Variants in DPP10 observed in about 807,000 individuals in gnomAD.
The protein encoded by DPP10 is dipeptidyl peptidase like 10, also known as inactive dipeptidyl peptidase 10.
DPP10 carries 33 observed loss-of-function variants against 120.9 expected under a neutral mutation model. The ratio of observed to expected loss-of-function variants is 0.27; its 90% CI spans 0.21 to 0.37. The LOEUF (loss-of-function observed/expected upper bound fraction) is 0.37. DPP10 is among the 10% of genes least tolerant of loss of function. The probability of loss-of-function intolerance (pLI) is 1.00; values close to 1 mark genes in which losing one functional copy is unlikely to be tolerated. For missense variants in DPP10, 816 were observed against 942.8 expected (o/e 0.87, Z 1.76); for synonymous variants, 337 against 326.1 (o/e 1.03, Z -0.36).
intron 1 of DPP10, among the ~76,000 whole-genome samples, chr2:114,445,534 CTGTGTG>C (rs145248880): frequency 0.19 from 26,733 of 143,452 alleles, 2,567 homozygotes; most frequent in Middle Eastern, 0.28. Context: ...AAAAACAGCT[CTGTGTG>C]TGTGTGTGTG....
intron 1 of DPP10, among the ~76,000 whole-genome samples, chr2:115,212,726 C>A (rs2105361261): frequency 6.6e-6 from 1 of 152,094 alleles, no homozygotes; most frequent in Admixed American, 6.6e-5. Flanking sequence ...AAAATATTAC[C>A]TTGACATATT....
intron 1 of DPP10, among the ~76,000 whole-genome samples, chr2:114,904,662 C>A (rs781231859): frequency 1.7e-4 from 26 of 151,986 alleles, no homozygotes; most frequent in Non-Finnish European, 3.7e-4. Context: ...ATTATACTAA[C>A]AGAAATACAG....
intron 5 of DPP10, among the ~76,000 whole-genome samples, chr2:115,655,161 A>G (rs2088182085): frequency 6.6e-6 from 1 of 151,750 alleles, no homozygotes; most frequent in African/African-American, 2.4e-5. Context: ...ATTTTATACC[A>G]AAGTATATAT....
chr2:115,493,330 G>A (rs1575009193), intron 3 of DPP10, among the ~76,000 whole-genome samples: 2 of 152,084 alleles, frequency 1.3e-5, no homozygotes, highest in East Asian at 3.9e-4. Flanking sequence ...AATTTTGAGG[G>A]AGAGTAGAGC....
rs1331585315 is a variant in DPP10, at chr2:115,044,364, T to A, written c.61-264875T>A. Among the ~76,000 whole-genome samples, 5 of 152,182 alleles carry A rather than the reference T, an allele frequency of 3.3e-5. No individual in the cohort carries two copies. The East Asian group carries it at 5.8e-4, about 18-fold the overall frequency. On this transcript the variant is annotated intron_variant, in intron 1 of 25. Transcript: ENST00000410059. ...TTTTAAAAGACCAGATCTTTTTTTT[T>A]AATTTTATTATTATTATACTTTAAG... is the stretch of plus-strand genomic sequence containing the variant.
intron 1 of DPP10, among the ~76,000 whole-genome samples, chr2:114,756,434 A>G (rs543782514): frequency 1.3e-5 from 2 of 152,362 alleles, no homozygotes; most frequent in South Asian, 2.1e-4. Context: ...GGAGGAACAC[A>G]TTAATTAGTT....
intron 2 of DPP10, among the ~76,000 whole-genome samples, chr2:115,323,541 T>G (rs1456112638): frequency 2.0e-5 from 3 of 152,202 alleles, no homozygotes; most frequent in Non-Finnish European, 2.9e-5. Flanking sequence ...TGTGAATTAT[T>G]TCCAGAAGAT....
At chr2:115,589,847 G>A (rs2149166338) in intron 5 of DPP10, among the ~76,000 whole-genome samples, 1 of 152,190 alleles carries the variant, frequency 6.6e-6, no homozygotes, top group South Asian at 2.1e-4. Context: ...TATTACAATG[G>A]ATAGTTTCTG....
chr2:115,349,385 C>T (rs1253164721), intron 3 of DPP10, among the ~76,000 whole-genome samples: 1 of 151,654 alleles, frequency 6.6e-6, no homozygotes, highest in Non-Finnish European at 1.5e-5. Flanking sequence ...GACATTAGTG[C>T]CATAGCTAGA....
intron 1 of DPP10, among the ~76,000 whole-genome samples, chr2:114,470,422 T>C (rs1457066644): frequency 6.6e-6 from 1 of 152,230 alleles, no homozygotes; most frequent in Non-Finnish European, 1.5e-5. Flanking sequence ...TAATTCCTAA[T>C]TTAAAGCTGA....
At chr2:114,490,792 G>A (rs1316133318) in intron 1 of DPP10, among the ~76,000 whole-genome samples, 1 of 151,864 alleles carries the variant, frequency 6.6e-6, no homozygotes, top group African/African-American at 2.4e-5. Context: ...ATATGGGGGC[G>A]GGGGGTAATG....
At chr2:115,033,869 A>G (rs1704026177) in intron 1 of DPP10, among the ~76,000 whole-genome samples, 1 of 132,670 alleles carries the variant, frequency 7.5e-6, no homozygotes. Context: ...CCTGTCCAAT[A>G]TCTTTCTTTT....
intron 1 of DPP10, among the ~76,000 whole-genome samples, chr2:115,152,894 G>A (rs1482295777): frequency 6.6e-6 from 1 of 152,146 alleles, no homozygotes; most frequent in African/African-American, 2.4e-5. Context: ...ATGAGACTGA[G>A]GGTCAGAGAC....
chr2:115,811,736 T>G (rs1686668658), intron 19 of DPP10, among the ~76,000 whole-genome samples: 1 of 152,194 alleles, frequency 6.6e-6, no homozygotes, highest in Non-Finnish European at 1.5e-5. Context: ...GTCTGTTGAT[T>G]GCACTTTTTT....
chr2:114,730,503 CAG>C (rs1204862829), intron 1 of DPP10, among the ~76,000 whole-genome samples: 9 of 152,128 alleles, frequency 5.9e-5, no homozygotes, highest in African/African-American at 1.9e-4. Context: ...ATCAGTTTTG[CAG>C]AGATAGTCTT....
chr2:115,540,700 C>T (rs2148961674), intron 5 of DPP10, among the ~76,000 whole-genome samples: 1 of 151,950 alleles, frequency 6.6e-6, no homozygotes, highest in Admixed American at 6.6e-5. Context: ...TGGTTTTCAT[C>T]ATATTTTCTT....
At chr2:115,301,759 C>G (rs1365212795) in intron 1 of DPP10, among the ~76,000 whole-genome samples, 1 of 151,902 alleles carries the variant, frequency 6.6e-6, no homozygotes, top group African/African-American at 2.4e-5. Context: ...TTTTTAGTAG[C>G]TTTATTGTAG....
At chr2:114,891,991 G>A (rs1018862674) in intron 1 of DPP10, among the ~76,000 whole-genome samples, 1 of 152,016 alleles carries the variant, frequency 6.6e-6, no homozygotes, top group Admixed American at 6.6e-5. Flanking sequence ...TTTTTGTCTG[G>A]ACTTAGTACT....
At chr2:115,400,968 G>C (rs2068031547) in intron 3 of DPP10, among the ~76,000 whole-genome samples, 2 of 152,164 alleles carry the variant, frequency 1.3e-5, no homozygotes, top group African/African-American at 4.8e-5. Context: ...GTACTTAGGT[G>C]GGAACAACTG....
Sources: allele counts gnomAD v4.1 joint callset (sites outside exome capture counted in the v4.1 genomes callset), GRCh38; gene constraint gnomAD v4.1.1; transcripts MANE v1.5; gene names NCBI Gene and HGNC (gene_info 2026-07-23, HGNC 2026-07-21).